Variants in IGF1R observed in about 807,000 individuals in gnomAD.
IGF1R encodes the protein insulin-like growth factor 1 receptor.
In IGF1R, 44 loss-of-function variants were observed where a neutral mutation model predicts 144.6. The ratio of observed to expected loss-of-function variants is 0.30; its 90% CI spans 0.24 to 0.39. The LOEUF (loss-of-function observed/expected upper bound fraction) is 0.39. Among genes scored for constraint, IGF1R ranks in the 10% least tolerant of loss-of-function variants. IGF1R has a pLI of 1.00. For synonymous variants in IGF1R, 795 were observed against 722.8 expected (o/e 1.10, Z -1.60); for missense variants, 1,355 against 1,833.7 (o/e 0.74, Z 4.77).
intron 6 of IGF1R, among the ~76,000 whole-genome samples, chr15:98,909,354 G>C (rs1041812281): frequency 7.0e-6 from 1 of 143,314 alleles, no homozygotes; most frequent in Admixed American, 7.6e-5. Flanking sequence ...CTCCACCTCG[G>C]TTCAAGCGGT....
At chr15:98,657,592 G>A (rs776822469) in intron 1 of IGF1R, among the ~76,000 whole-genome samples, 5 of 152,226 alleles carry the variant, frequency 3.3e-5, no homozygotes, top group Non-Finnish European at 7.3e-5. Flanking sequence ...GAGATCTGCT[G>A]TGAGGCTTCC....
At chr15:98,880,073 T>C (rs1460684725) in intron 2 of IGF1R, among the ~76,000 whole-genome samples, 1 of 152,190 alleles carries the variant, frequency 6.6e-6, no homozygotes, top group Admixed American at 6.5e-5. Context: ...TCTCTAAATA[T>C]ACTAAAAGCT....
At chr15:98,786,713 G>C (rs1317611184) in intron 2 of IGF1R, among the ~76,000 whole-genome samples, 2 of 152,204 alleles carry the variant, frequency 1.3e-5, no homozygotes, top group Admixed American at 1.3e-4. Flanking sequence ...TCACTCATAG[G>C]ATTTTTTTTT....
rs79302983 is a variant in IGF1R, at chr15:98,847,971, C to T, written c.641-43354C>T. On this transcript the variant is annotated intron_variant, in intron 2 of 20. Coordinates refer to ENST00000650285, the MANE Select transcript of IGF1R (RefSeq NM_000875.5). ...GAGCCCCCTGTTAGATGGATATAAC[C>T]GGGCCCTGGGACCATTGCTGGGCTC... Among the ~76,000 whole-genome samples the T allele has an allele frequency of 2.8e-3, 420 of 152,236 alleles. 4 individuals are homozygous for T. Among genetic ancestry groups the T allele is most frequent in the African/African-American group, 9.7e-3 (405 of 41,558 alleles).
Position 98,922,395 on chromosome 15 carries a change from G to A in IGF1R, c.2449G>A (p.Ala817Thr), listed in dbSNP as rs771088781. 25 of 1,613,484 alleles carry A rather than the reference G, an allele frequency of 1.5e-5. No individual in the cohort carries two copies. The highest frequency in any genetic ancestry group is 1.3e-4 in the South Asian group (12 of 91,088). The change falls in exon 11 of 21, where the codon GCC becomes ACC. Residue 817 changes from alanine (A) to threonine (T), a missense_variant. Physicochemically the swap from Ala to Thr is moderately conservative, Grantham distance 58. Transcript: ENST00000650285. The stretch of plus-strand genomic sequence containing the variant: ...CGAGGCTGAGAAGCTGGGCTGCAGC[G>A]CCTCCAACTTCGTCTTTGCAAGGAC... ...NHEAEKLGCS[A>T]SNFVFARTMP... is the part of the protein sequence containing the mutation.
intron 2 of IGF1R, among the ~76,000 whole-genome samples, chr15:98,885,346 G>A (rs1472725827): frequency 6.6e-6 from 1 of 152,200 alleles, no homozygotes; most frequent in African/African-American, 2.4e-5. Flanking sequence ...TCGGCCTGGG[G>A]CAGGACGCTG....
At chr15:98,751,952 C>T (rs565821931) in intron 2 of IGF1R, among the ~76,000 whole-genome samples, 1 of 152,296 alleles carries the variant, frequency 6.6e-6, no homozygotes, top group South Asian at 2.1e-4. Flanking sequence ...ATAATACAGA[C>T]TCTTCACTGT....
intron 2 of IGF1R, among the ~76,000 whole-genome samples, chr15:98,833,100 G>C (rs762028561): frequency 1.4e-4 from 22 of 152,170 alleles, no homozygotes; most frequent in Admixed American, 6.5e-4. Context: ...TTTGGGTTGA[G>C]GTATCCCCTG....
intron 2 of IGF1R, among the ~76,000 whole-genome samples, chr15:98,774,540 T>A (rs925583): frequency 0.14 from 21,653 of 152,192 alleles, 1,582 homozygotes; most frequent in Middle Eastern, 0.2. Flanking sequence ...TTCTGACACA[T>A]GCAACAGCGT....
At chr15:98,809,540 G>A (rs910826041) in intron 2 of IGF1R, among the ~76,000 whole-genome samples, 7 of 152,204 alleles carry the variant, frequency 4.6e-5, no homozygotes, top group African/African-American at 7.2e-5. Flanking sequence ...CTGGCAGCGC[G>A]TTGGCATTTT....
rs1196501281 is a variant in IGF1R at position 98,728,844 on chromosome 15, G to A, written c.640+20737G>A. On this transcript the variant is annotated intron_variant, in intron 2 of 20. Coordinates refer to ENST00000650285, the MANE Select transcript of IGF1R (RefSeq NM_000875.5). Reference sequence around the variant, plus strand: ...GACAAGAAAGCTCTTTGTAGTAGGTGGTAGTAGAATCAGACAGATCTGGCT... The same window carrying A: ...GACAAGAAAGCTCTTTGTAGTAGGTAGTAGTAGAATCAGACAGATCTGGCT... 2.6e-5 allele frequency among the ~76,000 whole-genome samples: 4 copies of A among 152,236 alleles called. No individual in the cohort carries two copies. In the East Asian group the frequency reaches 7.7e-4, roughly 29 times the overall value.
rs45611935 is a variant in IGF1R, at chr15:98,923,960, A to G, written c.2570A>G (p.Asn857Ser). Residue 857 changes from asparagine (N) to serine (S), a missense_variant, in exon 12 of 21, where the codon AAT becomes AGT. By Grantham distance (46) the Asn-to-Ser change is conservative. Transcript: ENST00000650285. ...TTTTTAAAGTGGCCGGAACCTGAGA[A>G]TCCCAATGGATTGATTCTAATGTAT... ...SIFLKWPEPE[N>S]PNGLILMYEI... 1,105 of 1,614,050 alleles carry G rather than the reference A, an allele frequency of 6.8e-4. 13 individuals are homozygous for G. The East Asian group carries it at 0.017, about 25-fold the overall frequency.
chr15:98,829,110 C>G (rs2141496657), intron 2 of IGF1R, among the ~76,000 whole-genome samples: 1 of 152,258 alleles, frequency 6.6e-6, no homozygotes, highest in Admixed American at 6.5e-5. Context: ...TTAAAAATAA[C>G]CGCCAATTCA....
Position 98,823,204 on chromosome 15 carries a change from C to T in IGF1R, c.641-68121C>T, listed in dbSNP as rs147028838. Among the ~76,000 whole-genome samples the T allele has an allele frequency of 2.7e-3, 414 of 152,348 alleles. 3 individuals are homozygous for T. The highest frequency in any genetic ancestry group is 4.9e-3 in the Non-Finnish European group (333 of 68,040). ...CATGACTACATAAGATGTGCTGTTC[C>T]TCTCTCTTTCTGTTTGAAAGTGACT... On this transcript the variant is annotated intron_variant, in intron 2 of 20. Transcript: ENST00000650285.
At chr15:98,819,883 C>G (rs1296896191) in intron 2 of IGF1R, among the ~76,000 whole-genome samples, 5 of 152,228 alleles carry the variant, frequency 3.3e-5, no homozygotes, top group African/African-American at 1.2e-4. Context: ...ATGATCATAC[C>G]TGCTTCTATG....
intron 2 of IGF1R, among the ~76,000 whole-genome samples, chr15:98,731,533 G>T (rs2054496764): frequency 6.6e-6 from 1 of 152,168 alleles, no homozygotes; most frequent in Admixed American, 6.5e-5. Flanking sequence ...TTACTTATCT[G>T]TGTATCGAAA....
chr15:98,903,974 A>G (rs1197849965), intron 5 of IGF1R, among the ~76,000 whole-genome samples: 1 of 152,182 alleles, frequency 6.6e-6, no homozygotes, highest in Non-Finnish European at 1.5e-5. Flanking sequence ...GGATGATGGA[A>G]GTGTTCTGGA....
At chr15:98,684,502 T>A (rs1054690818) in intron 1 of IGF1R, among the ~76,000 whole-genome samples, 10 of 152,190 alleles carry the variant, frequency 6.6e-5, no homozygotes, top group African/African-American at 2.4e-4. Flanking sequence ...AGGTTATAGC[T>A]AAACGTCAGT....
intron 1 of IGF1R, among the ~76,000 whole-genome samples, chr15:98,663,333 T>C (rs1038041514): frequency 2.6e-5 from 4 of 152,160 alleles, no homozygotes; most frequent in African/African-American, 9.7e-5. Flanking sequence ...CTGGCACTTT[T>C]AAGGCATGGA....
Sources: allele counts gnomAD v4.1 joint callset (sites outside exome capture counted in the v4.1 genomes callset), GRCh38; gene constraint gnomAD v4.1.1; transcripts MANE v1.5; gene names NCBI Gene and HGNC (gene_info 2026-07-23, HGNC 2026-07-21).